The following GGA1 variants were observed in gnomAD, a reference collection of about 807,000 sequenced individuals.
GGA1 encodes golgi associated, gamma adaptin ear containing, ARF binding protein 1, also known as ADP-ribosylation factor-binding protein GGA1.
A neutral mutation model predicts 76.9 loss-of-function variants in GGA1; 18 were observed. The ratio of observed to expected loss-of-function variants is 0.23; its 90% CI spans 0.16 to 0.35. GGA1 has a LOEUF of 0.35. Ranked by LOEUF, GGA1 falls within the 10% of genes least tolerant of loss-of-function variation. The probability of loss-of-function intolerance (pLI) is 1.00; values close to 1 mark genes in which losing one functional copy is unlikely to be tolerated. For synonymous variants in GGA1, 342 were observed against 354.7 expected (o/e 0.96, Z 0.40); for missense variants, 755 against 859.0 (o/e 0.88, Z 1.51).
At chr22:37,611,010 C>T (rs1208515168) in intron 1 of GGA1, among the ~76,000 whole-genome samples, 1 of 152,226 alleles carries the variant, frequency 6.6e-6, no homozygotes, top group African/African-American at 2.4e-5. Flanking sequence ...GACCTCACTC[C>T]AACTCACGTG....
chr22:37,629,522 T>C lies in GGA1; in HGVS notation c.1154T>C (p.Phe385Ser). 6.3e-7 allele frequency: 1 copy of C among 1,574,904 alleles called. No homozygotes were observed. Among genetic ancestry groups the C allele is most frequent in the Non-Finnish European group, 8.6e-7 (1 of 1,163,164 alleles). The change falls in exon 12 of 17, where the codon TTC becomes TCC. Residue 385 changes from phenylalanine to serine, a missense_variant. Phe to Ser is a radical substitution (Grantham distance 155). Transcript: ENST00000343632. ...PSLDGTGWNS[F>S]QSSDATEPPA... is the part of the protein sequence containing the mutation. ...CTGGATGGTACCGGATGGAACAGCT[T>C]CCAGGTAGGAGGGGACCACAAACTA...
chr22:37,615,689 G>A (rs1319673921), intron 2 of GGA1, among the ~76,000 whole-genome samples: 5 of 149,918 alleles, frequency 3.3e-5, no homozygotes, highest in East Asian at 2.0e-4. Flanking sequence ...GCTTGAACCC[G>A]GGAGGCTGAG....
At chr22:37,617,322 C>T in intron 3 of GGA1, 5 of 1,241,676 alleles carry the variant, frequency 4.0e-6, no homozygotes, top group Non-Finnish European at 5.1e-6. Context: ...CCACCCAGAC[C>T]TGCCGAGGCC....
rs148254236 is a variant in GGA1, at chr22:37,618,651, G to A, written c.303+105G>A. ...CTTTTCCAGGGAGCCTCCCACTGGG[G>A]TGTCACCTCAGCCCCCCATTAGAAC... On this transcript the variant is annotated intron_variant, in intron 4 of 16. Transcript: ENST00000343632. 25 of 683,098 alleles carry A rather than the reference G, an allele frequency of 3.7e-5. No homozygotes were observed. The East Asian group carries it at 6.8e-4, about 19-fold the overall frequency. 42.3% of individuals were successfully genotyped at this position (683,098 alleles called of 1,614,324 possible).
In GGA1 at chr22:37,618,433, C is replaced by T. The variant is rs1286851324; in HGVS notation, c.205-15C>T. 1 of 1,553,766 alleles carries T rather than the reference C, an allele frequency of 6.4e-7. No individual in the cohort carries two copies. The highest frequency in any genetic ancestry group is 8.9e-7 in the Non-Finnish European group (1 of 1,125,512). On this transcript the variant is annotated splice_polypyrimidine_tract_variant and intron_variant, in intron 3 of 16. Transcript: ENST00000343632. The stretch of plus-strand genomic sequence containing the variant: ...TGCACCTGGGCGTCCCCTCCCATCC[C>T]CCCTCCCTGCACAGGTGCTGGAAAC...
rs374211399 is a variant in GGA1 at position 37,623,452 on chromosome 22, C to G, written c.735C>G (p.Ser245Arg). 11 of 1,613,924 alleles carry G rather than the reference C, an allele frequency of 6.8e-6. No individual in the cohort carries two copies. Among genetic ancestry groups the G allele is most frequent in the African/African-American group, 1.3e-5 (1 of 74,912 alleles). ...HSQGGAAAGS[S>R]EDLMKELYQR... The stretch of plus-strand genomic sequence containing the variant: ...AGGGCGGCGCAGCAGCTGGCAGCAG[C>G]GAGGACCTCATGAAGGTGCACCTGC... The change falls in exon 8 of 17, where the codon AGC (serine) becomes AGG (arginine). Residue 245 changes from serine to arginine, a missense_variant. Physicochemically the swap from Ser to Arg is moderately radical, Grantham distance 110. Transcript: ENST00000343632. This position sits in a 1 kb window ranked among gnomAD's most constrained non-coding sequence, Gnocchi z 4.6.
At chr22:37,630,600 C>G (rs1281652592) in intron 13 of GGA1, 5 of 470,036 alleles carry the variant, frequency 1.1e-5, no homozygotes, top group Non-Finnish European at 1.5e-5. Context: ...GGAGTCTCAC[C>G]CTGTCACCCA....
chr22:37,609,232 G>A, intron 1 of GGA1: 5 of 1,210,238 alleles, frequency 4.1e-6, no homozygotes, highest in Non-Finnish European at 4.2e-6. Flanking sequence ...ACGGAGTAGC[G>A]GCCCGGGGAA....
chr22:37,611,677 C>T (rs527620643), intron 1 of GGA1, among the ~76,000 whole-genome samples: 42 of 152,298 alleles, frequency 2.8e-4, no homozygotes, highest in Admixed American at 7.8e-4. Flanking sequence ...AGCCTCCTGT[C>T]CACAGATCCT....
At position 37,623,692 on chromosome 22, in the gene GGA1, C is replaced by G. The variant is rs1049632619; in HGVS notation, c.832+59C>G. ...CCCCTCTCCCTCCACCTCCTGCCCC[C>G]ACCTCCCCCAGGCCCTGCTAAGTAT... On this transcript the variant is annotated intron_variant, in intron 9 of 16. Transcript: ENST00000343632. The surrounding 1 kb of genome is among the most constrained non-coding windows in gnomAD (Gnocchi z 4.6). 155 of 1,185,724 alleles carry G rather than the reference C, an allele frequency of 1.3e-4. No homozygotes were observed. Among genetic ancestry groups the G allele is most frequent in the Non-Finnish European group, 1.7e-4 (139 of 817,782 alleles). 73.5% of individuals were successfully genotyped at this position (1,185,724 alleles called of 1,614,324 possible). A position where few individuals can be genotyped will look rare whatever the true frequency, so the allele number is the denominator to read the frequency against.
Position 37,625,350 on chromosome 22 carries a change from G to A in GGA1, c.940+274G>A, listed in dbSNP as rs1488024654. 6.6e-6 allele frequency among the ~76,000 whole-genome samples: 1 copy of A among 152,152 alleles called. No homozygotes were observed. Among genetic ancestry groups the A allele is most frequent in the Non-Finnish European group, 1.5e-5 (1 of 68,008 alleles). On this transcript the variant is annotated intron_variant, in intron 10 of 16. Transcript: ENST00000343632. The surrounding 1 kb of genome is among the most constrained non-coding windows in gnomAD (Gnocchi z 4.1). ...TCATTTGACAAATCTGGCACCTGTTGTATAGGGCTAGATGACACCCCAGAG... is the reference window on the plus strand; with the variant it reads ...TCATTTGACAAATCTGGCACCTGTTATATAGGGCTAGATGACACCCCAGAG...
Position 37,620,802 on chromosome 22 carries a change from ATC to A in GGA1, c.428-9_428-8del, listed in dbSNP as rs1218479037. 3 of 1,552,952 alleles carry A rather than the reference ATC, an allele frequency of 1.9e-6. No homozygotes were observed. In the South Asian group the frequency reaches 3.3e-5, roughly 17 times the overall value. ...CATATTGACAGCCTTTCTGACACTC[ATC>A]TAATCCAGGGATTGTAAAGTCCGAC... On this transcript the variant is annotated splice_polypyrimidine_tract_variant and intron_variant, in intron 5 of 16. Coordinates refer to ENST00000343632, the MANE Select transcript of GGA1 (RefSeq NM_013365.5).
chr22:37,621,815 C>A, intron 7 of GGA1, 119 bp downstream of exon 7: 1 of 631,948 alleles, frequency 1.6e-6, no homozygotes, highest in Non-Finnish European at 2.7e-6. Context: ...CGGGCTGGCA[C>A]AGCAGAGAAG....
chr22:37,632,772 G>C lies in GGA1; in HGVS notation c.*61G>C. The C allele has an allele frequency of 1.0e-6, 1 of 1,001,770 alleles. No individual in the cohort carries two copies. The highest frequency in any genetic ancestry group is 2.0e-5 in the Admixed American group (1 of 49,884). The allele number at this position is 1,001,770 out of a possible 1,614,324, so 62.1% of individuals were successfully genotyped here. A position where few individuals can be genotyped will look rare whatever the true frequency, so the allele number is the denominator to read the frequency against. ...CCGGTCACTGTCCAGCCTGGAGGGAGGCATTGGTGGCCAAGGACACCCTTT... is the reference window on the plus strand; with the variant it reads ...CCGGTCACTGTCCAGCCTGGAGGGACGCATTGGTGGCCAAGGACACCCTTT... On this transcript the variant is annotated 3_prime_UTR_variant, in exon 17 of 17. Coordinates refer to ENST00000343632, the MANE Select transcript of GGA1 (RefSeq NM_013365.5). This position sits in a 1 kb window ranked among gnomAD's most constrained non-coding sequence, Gnocchi z 5.1.
At chr22:37,628,160 T>G (rs1320486087) in intron 11 of GGA1, among the ~76,000 whole-genome samples, 3 of 152,120 alleles carry the variant, frequency 2.0e-5, no homozygotes. Flanking sequence ...TCTCACTATA[T>G]TGCTCAGGCT....
At chr22:37,609,051 C>T in intron 1 of GGA1, 148 bp downstream of exon 1, 1 of 1,477,738 alleles carries the variant, frequency 6.8e-7, no homozygotes, top group East Asian at 3.1e-5. Flanking sequence ...GTCGGCCCCT[C>T]AGACCCTGGA....
At chr22:37,622,638 C>T (rs138639287) in intron 7 of GGA1, among the ~76,000 whole-genome samples, 261 of 152,268 alleles carry the variant, frequency 1.7e-3, no homozygotes, top group East Asian at 0.015. Context: ...TAGTCTGTAA[C>T]TCCTGGGCTC....
chr22:37,623,268 G>A lies in GGA1; in HGVS notation c.610-59G>A. On this transcript the variant is annotated intron_variant, in intron 7 of 16. Transcript: ENST00000343632. The surrounding 1 kb of genome is among the most constrained non-coding windows in gnomAD (Gnocchi z 4.6). ...CAGCACACATTCTCTCAAGTGGCAG[G>A]GGGCAGTGCCTCGTCCAGGCCAAAG... 6.6e-7 allele frequency: 1 copy of A among 1,516,858 alleles called. No homozygotes were observed. Among genetic ancestry groups the A allele is most frequent in the Non-Finnish European group, 9.2e-7 (1 of 1,092,268 alleles). 94.0% of individuals were successfully genotyped at this position (1,516,858 alleles called of 1,614,324 possible). A position where few individuals can be genotyped will look rare whatever the true frequency, so the allele number is the denominator to read the frequency against.
In GGA1 at chr22:37,632,884, C is replaced by A; in HGVS notation, c.*173C>A. On this transcript the variant is annotated 3_prime_UTR_variant, in exon 17 of 17. Transcript: ENST00000343632. The surrounding 1 kb of genome is among the most constrained non-coding windows in gnomAD (Gnocchi z 5.1). Reference sequence around the variant, plus strand: ...GTGACTCTTCCCCCTCCTGCTCCGGCCCCGCCCCTGCTGAGCCAAACCCAG... The same window carrying A: ...GTGACTCTTCCCCCTCCTGCTCCGGACCCGCCCCTGCTGAGCCAAACCCAG... The A allele has an allele frequency of 1.7e-6, 1 of 594,768 alleles. No homozygotes were observed. The highest frequency in any genetic ancestry group is 3.0e-6 in the Non-Finnish European group (1 of 330,854). The allele number at this position is 594,768 out of a possible 1,614,324, so 36.8% of individuals were successfully genotyped here. A position where few individuals can be genotyped will look rare whatever the true frequency, so the allele number is the denominator to read the frequency against.
Sources: gnomAD v4.1 joint callset for allele counts (sites outside exome capture counted in the v4.1 genomes callset) on GRCh38, gnomAD v4.1.1 for gene constraint, Gnocchi (gnomAD v3.1) non-coding constraint, MANE v1.5 for transcripts, NCBI Gene and HGNC (gene_info 2026-07-23, HGNC 2026-07-21) for gene names.